The following DLD variants were observed in gnomAD, a reference collection of about 807,000 sequenced individuals.
DLD encodes the protein dihydrolipoamide dehydrogenase.
In DLD, 36 loss-of-function variants were observed where a neutral mutation model predicts 62.2. The ratio of observed to expected loss-of-function variants is 0.58; its 90% CI spans 0.44 to 0.76. DLD has a LOEUF of 0.76. DLD is among the 30% of genes least tolerant of loss of function. The pLI, the probability that DLD is intolerant of heterozygous loss-of-function variation, is 0.00. For missense variants in DLD, 541 were observed against 608.6 expected (o/e 0.89, Z 1.17); for synonymous variants, 204 against 199.6 (o/e 1.02, Z -0.19).
Position 107,919,307 on chromosome 7 carries a change from G to A in DLD, c.*48G>A, listed in dbSNP as rs1266368665. Reference sequence around the variant, plus strand: ...TTTCTGAAATTTCCTGGGAGCTTTTGTAGAAGTCACATTCCTGAACAGGAT... The same window carrying A: ...TTTCTGAAATTTCCTGGGAGCTTTTATAGAAGTCACATTCCTGAACAGGAT... On this transcript the variant is annotated 3_prime_UTR_variant, in exon 14 of 14. Transcript: ENST00000205402. The A allele has an allele frequency of 9.0e-6, 13 of 1,447,444 alleles. No homozygotes were observed. The Admixed American group carries it at 1.7e-4, about 19-fold the overall frequency. The allele number at this position is 1,447,444 out of a possible 1,614,324, so 89.7% of individuals were successfully genotyped here.
chr7:107,911,932 A>G (rs745976781), intron 8 of DLD, among the ~76,000 whole-genome samples: 3 of 151,886 alleles, frequency 2.0e-5, no homozygotes, highest in Non-Finnish European at 4.4e-5. Flanking sequence ...TATTCTGTCT[A>G]ATTGTATATT....
chr7:107,891,215 T>C lies in DLD; in HGVS notation c.-36T>C, dbSNP rs753015858. On this transcript the variant is annotated 5_prime_UTR_variant, in exon 1 of 14. Transcript: ENST00000205402. ...GAGCGGCGGAGGCGCCCAGCGGAGG[T>C]GAAAGTATTGGCGGAAAGGAAAATA... 2 of 1,612,476 alleles carry C rather than the reference T, an allele frequency of 1.2e-6. No homozygotes were observed. The highest frequency in any genetic ancestry group is 2.7e-5 in the African/African-American group (2 of 74,690).
Position 107,920,455 on chromosome 7 carries a change from A to T in DLD, c.*1196A>T, listed in dbSNP as rs1044656741. The T allele has an allele frequency of 6.6e-6, 1 of 152,210 alleles. No individual in the cohort carries two copies. The highest frequency in any genetic ancestry group is 6.5e-5 in the Admixed American group (1 of 15,286). The allele number at this position is 152,210 out of a possible 1,614,324, so 9.4% of individuals were successfully genotyped here. A position where few individuals can be genotyped will look rare whatever the true frequency, so the allele number is the denominator to read the frequency against. ...TGTTACATACTTCTAAAGAAAATTG[A>T]TTGTTGTCTTAGGAGGCAGTTAACT... On this transcript the variant is annotated 3_prime_UTR_variant, in exon 14 of 14. Coordinates refer to ENST00000205402, the MANE Select transcript of DLD (RefSeq NM_000108.5).
At position 107,919,959 on chromosome 7, in the gene DLD, A is replaced by T. The variant is rs971585711; in HGVS notation, c.*700A>T. ...GAAGATACTGAAATAAACGTCTTAA[A>T]TATTCATTTACTGGTTATCATGAGT... is the stretch of plus-strand genomic sequence containing the variant. On this transcript the variant is annotated 3_prime_UTR_variant, in exon 14 of 14. Coordinates refer to ENST00000205402, the MANE Select transcript of DLD (RefSeq NM_000108.5). The T allele has an allele frequency of 6.6e-6, 1 of 152,454 alleles. No individual in the cohort carries two copies. The allele number at this position is 152,454 out of a possible 1,614,324, so 9.4% of individuals were successfully genotyped here. A position where few individuals can be genotyped will look rare whatever the true frequency, so the allele number is the denominator to read the frequency against.
At chr7:107,915,949 C>T (rs1441795693) in intron 9 of DLD, among the ~76,000 whole-genome samples, 3 of 151,842 alleles carry the variant, frequency 2.0e-5, no homozygotes, top group Admixed American at 2.0e-4. Context: ...TTTAAATTCC[C>T]AATAATAAGT....
At chr7:107,906,575 C>CTT (rs977316432) in intron 8 of DLD, among the ~76,000 whole-genome samples, 1 of 152,124 alleles carries the variant, frequency 6.6e-6, no homozygotes, top group Non-Finnish European at 1.5e-5. Flanking sequence ...TTATTTTAGT[C>CTT]TGTTTCCTTG....
rs201834635 is a variant in DLD, at chr7:107,916,899, G to A, written c.981G>A (p.Leu327=). ...PFTKNLGLEE[L]GIELDPRGRI... The stretch of plus-strand genomic sequence containing the variant: ...CTAAGAATTTGGGACTAGAAGAGCT[G>A]GGAATTGAACTAGATCCCAGAGGTA... The change falls in exon 10 of 14, where the codon CTG becomes CTA. Residue 327 remains leucine, a synonymous_variant. Transcript: ENST00000205402. 4 of 1,613,434 alleles carry A rather than the reference G, an allele frequency of 2.5e-6. No individual in the cohort carries two copies. The East Asian group carries it at 6.7e-5, about 27-fold the overall frequency.
At chr7:107,912,469 C>T (rs992055774) in intron 8 of DLD, among the ~76,000 whole-genome samples, 7 of 152,142 alleles carry the variant, frequency 4.6e-5, no homozygotes, top group South Asian at 2.1e-4. Flanking sequence ...GTTCTCCTTT[C>T]TCCACATCCT....
intron 5 of DLD, among the ~76,000 whole-genome samples, chr7:107,904,086 G>A (rs66999558): frequency 0.32 from 48,143 of 152,096 alleles, 8,944 homozygotes; most frequent in Non-Finnish European, 0.41. Flanking sequence ...TTCCAGAAAG[G>A]TAGTCTCTTC....
At chr7:107,904,516 A>G in intron 5 of DLD, 1 of 361,144 alleles carries the variant, frequency 2.8e-6, no homozygotes, top group Non-Finnish European at 5.3e-6. Context: ...AACCTAGGTG[A>G]TTAAACTTTT....
At position 107,912,885 on chromosome 7, in the gene DLD, C is replaced by G. The variant is rs145592733; in HGVS notation, c.685-2621C>G. Reference sequence around the variant, plus strand: ...GTAAGTCTTTGCCCAGACCAGTGTCCTGGAGCATTTCTCCAATGTTTTCTT... The same window carrying G: ...GTAAGTCTTTGCCCAGACCAGTGTCGTGGAGCATTTCTCCAATGTTTTCTT... On this transcript the variant is annotated intron_variant, in intron 8 of 13. Coordinates refer to ENST00000205402, the MANE Select transcript of DLD (RefSeq NM_000108.5). 4.9e-3 allele frequency among the ~76,000 whole-genome samples: 747 copies of G among 152,246 alleles called. 7 individuals are homozygous for G. The highest frequency in any genetic ancestry group is 0.017 in the African/African-American group (693 of 41,552).
chr7:107,920,455 A>AT lies in DLD; in HGVS notation c.*1198dup, dbSNP rs1268748468. 1.3e-5 allele frequency: 2 copies of AT among 152,210 alleles called. No individual in the cohort carries two copies. The highest frequency in any genetic ancestry group is 6.5e-5 in the Admixed American group (1 of 15,286). The allele number at this position is 152,210 out of a possible 1,614,324, so 9.4% of individuals were successfully genotyped here. A position where few individuals can be genotyped will look rare whatever the true frequency, so the allele number is the denominator to read the frequency against. On this transcript the variant is annotated 3_prime_UTR_variant, in exon 14 of 14. Transcript: ENST00000205402. ...TGTTACATACTTCTAAAGAAAATTG[A>AT]TTGTTGTCTTAGGAGGCAGTTAACT...
At chr7:107,901,876 A>G (rs1406440908) in intron 3 of DLD, 59 bp downstream of exon 3, 9 of 1,425,762 alleles carry the variant, frequency 6.3e-6, no homozygotes, top group Admixed American at 1.7e-5. Context: ...GGTTGATCAT[A>G]TTTATAAAGT....
At position 107,903,335 on chromosome 7, in the gene DLD, G is replaced by C. The variant is rs190895454; in HGVS notation, c.268-143G>C. The C allele has an allele frequency of 2.9e-4, 162 of 558,464 alleles. No homozygotes were observed. The East Asian group carries it at 5.9e-3, about 20-fold the overall frequency. 34.6% of individuals were successfully genotyped at this position (558,464 alleles called of 1,614,324 possible). A position where few individuals can be genotyped will look rare whatever the true frequency, so the allele number is the denominator to read the frequency against. The stretch of plus-strand genomic sequence containing the variant: ...GGAGGTTGCGGTGAGCTGAGATGGC[G>C]CCATTGCACTCCAGCTTGGGCAATA... On this transcript the variant is annotated intron_variant, in intron 4 of 13. Transcript: ENST00000205402.
At chr7:107,895,474 T>C (rs528168602) in intron 2 of DLD, among the ~76,000 whole-genome samples, 42 of 152,374 alleles carry the variant, frequency 2.8e-4, no homozygotes, top group Non-Finnish European at 5.1e-4. Flanking sequence ...TTAATCAAAC[T>C]TGTAACACTT....
intron 1 of DLD, 175 bp downstream of exon 1, chr7:107,891,464 T>C: frequency 1.4e-6 from 1 of 713,132 alleles, no homozygotes. Context: ...AGGTGGCCGC[T>C]CATCCTGCAG....
At position 107,919,428 on chromosome 7, in the gene DLD, T is replaced by G. The variant is rs1490478071; in HGVS notation, c.*169T>G. On this transcript the variant is annotated 3_prime_UTR_variant, in exon 14 of 14. Transcript: ENST00000205402. Reference sequence around the variant, plus strand: ...AAAATGGAATACTCTTATATCTATATTTTACATAAATTTAGTATTTTGTTT... The same window carrying G: ...AAAATGGAATACTCTTATATCTATAGTTTACATAAATTTAGTATTTTGTTT... 1 of 564,146 alleles carries G rather than the reference T, an allele frequency of 1.8e-6. No homozygotes were observed. The highest frequency in any genetic ancestry group is 3.1e-6 in the Non-Finnish European group (1 of 326,252). 34.9% of individuals were successfully genotyped at this position (564,146 alleles called of 1,614,324 possible).
In DLD at chr7:107,903,483, A is replaced by G; in HGVS notation, c.273A>G (p.Leu91=). The G allele has an allele frequency of 6.3e-7, 1 of 1,576,882 alleles. No homozygotes were observed. Among genetic ancestry groups the G allele is most frequent in the South Asian group, 1.1e-5 (1 of 90,228 alleles). ...LNVGCIPSKA[L]LNNSHYYHMA... is the part of the protein sequence containing the mutation. ...ATCTTTTTAATTTCCTTTAGGCTTT[A>G]TTGAACAACTCTCATTATTACCATA... The change falls in exon 5 of 14, where the codon TTA becomes TTG. Residue 91 remains leucine (L), a synonymous_variant. Transcript: ENST00000205402.
At chr7:107,900,954 AC>A (rs571908368) in intron 2 of DLD, among the ~76,000 whole-genome samples, 29 of 152,272 alleles carry the variant, frequency 1.9e-4, no homozygotes, top group African/African-American at 6.5e-4. Context: ...AATTGGACTT[AC>A]TTGCACATTT....
Sources: gnomAD v4.1 joint callset for allele counts (sites outside exome capture counted in the v4.1 genomes callset) on GRCh38, gnomAD v4.1.1 for gene constraint, MANE v1.5 for transcripts, NCBI Gene and HGNC (gene_info 2026-07-23, HGNC 2026-07-21) for gene names.